The following OSMR variants were observed in gnomAD, a reference collection of about 807,000 sequenced individuals.
OSMR encodes oncostatin-M-specific receptor subunit beta.
In OSMR, 81 loss-of-function variants were observed where a neutral mutation model predicts 99.9. That is an observed-to-expected ratio of 0.81 (90% confidence interval 0.68 to 0.97). OSMR has a LOEUF of 0.97. Among genes scored for constraint, OSMR ranks in the 50% least tolerant of loss-of-function variants. The probability of loss-of-function intolerance (pLI) is 0.00; values close to 1 mark genes in which losing one functional copy is unlikely to be tolerated. For missense variants in OSMR, 1,099 were observed against 1,153.4 expected (o/e 0.95, Z 0.68); for synonymous variants, 406 against 410.4 (o/e 0.99, Z 0.13).
intron 7 of OSMR, among the ~76,000 whole-genome samples, chr5:38,900,238 C>G (rs888356380): frequency 6.6e-6 from 1 of 152,178 alleles, no homozygotes; most frequent in African/African-American, 2.4e-5. Flanking sequence ...TCACCGTGCT[C>G]TCCCTCTCCT....
intron 1 of OSMR, chr5:38,943,374 T>G (rs1376316926): frequency 6.2e-6 from 1 of 162,168 alleles, no homozygotes; most frequent in Non-Finnish European, 1.3e-5. Context: ...AATAGCAGCT[T>G]TTAGCTAGGA....
chr5:38,925,490 C>A, intron 15 of OSMR, 119 bp downstream of exon 15: 1 of 840,878 alleles, frequency 1.2e-6, no homozygotes, highest in South Asian at 1.4e-5. Flanking sequence ...TTCTCCCCTT[C>A]TCACCTCCCT....
rs776880482 is a variant in OSMR at position 38,923,136 on chromosome 5, C to CT, written c.1766-7dup. On this transcript the variant is annotated splice_polypyrimidine_tract_variant and intron_variant, in intron 12 of 17. Coordinates refer to ENST00000274276, the MANE Select transcript of OSMR (RefSeq NM_003999.3). ...CATTCTGTTATTAAAAATCTGTTGA[C>CT]TTTTTTTCCCTAGATGCTTTTAGGC... The CT allele has an allele frequency of 5.0e-6, 8 of 1,611,928 alleles. No individual in the cohort carries two copies. Among genetic ancestry groups the CT allele is most frequent in the African/African-American group, 1.3e-5 (1 of 74,826 alleles).
At chr5:38,932,843 A>C (rs1314700499) in intron 17 of OSMR, 29 bp from the exon 18 acceptor site, 1 of 1,612,948 alleles carries the variant, frequency 6.2e-7, no homozygotes, top group Non-Finnish European at 8.5e-7. Flanking sequence ...ACAAATGTCT[A>C]TATTTACATA....
chr5:38,920,385 A>G (rs899338769), intron 11 of OSMR, among the ~76,000 whole-genome samples: 2 of 152,224 alleles, frequency 1.3e-5, no homozygotes, highest in African/African-American at 4.8e-5. Context: ...CTCTCAAAAC[A>G]TATTTTCAAT....
intron 9 of OSMR, among the ~76,000 whole-genome samples, chr5:38,907,628 C>A (rs375021204): frequency 6.6e-6 from 1 of 152,196 alleles, no homozygotes; most frequent in Non-Finnish European, 1.5e-5. Flanking sequence ...GAGTTGCAGC[C>A]TCAGATGCCC....
chr5:38,878,025 G>A (rs1416531696), intron 3 of OSMR, among the ~76,000 whole-genome samples: 4 of 152,104 alleles, frequency 2.6e-5, no homozygotes, highest in Non-Finnish European at 5.9e-5. Context: ...AACCCAGCCT[G>A]ACTACAACAG....
At chr5:38,876,154 C>T in intron 2 of OSMR, 47 bp from the exon 3 acceptor site, 1 of 1,587,238 alleles carries the variant, frequency 6.3e-7, no homozygotes, top group Middle Eastern at 1.7e-4. Context: ...ACTCTTCAAT[C>T]ATGCTCCTAT....
chr5:38,890,677 A>C (rs1371462244), intron 7 of OSMR, among the ~76,000 whole-genome samples: 3 of 151,986 alleles, frequency 2.0e-5, no homozygotes, highest in African/African-American at 7.3e-5. Flanking sequence ...AATTAGCAAC[A>C]GTAGAATATC....
In OSMR at chr5:38,935,613, TAAAC is replaced by T. The variant is rs1439225602; in HGVS notation, c.*2170_*2173del. ...CTTGAAGTCATTTTTGCTATTGAAATAAACCTTAATTAAAATATTTCATCATCAC... is the reference window on the plus strand; with the variant it reads ...CTTGAAGTCATTTTTGCTATTGAAATCTTAATTAAAATATTTCATCATCAC... On this transcript the variant is annotated 3_prime_UTR_variant, in exon 18 of 18. Transcript: ENST00000274276. The T allele has an allele frequency of 2.0e-5, 3 of 152,206 alleles. No homozygotes were observed. The highest frequency in any genetic ancestry group is 4.8e-5 in the African/African-American group (2 of 41,452). The allele number at this position is 152,206 out of a possible 1,614,324, so 9.4% of individuals were successfully genotyped here.
chr5:38,846,480 T>A (rs1418272758), intron 1 of OSMR, 93 bp downstream of exon 1: 4 of 152,330 alleles, frequency 2.6e-5, no homozygotes, highest in African/African-American at 9.6e-5. Context: ...TCCCAGCGCC[T>A]TTTTCTCAAA....
chr5:38,888,860 G>A (rs1347764151), intron 7 of OSMR, among the ~76,000 whole-genome samples: 1 of 152,076 alleles, frequency 6.6e-6, no homozygotes, highest in Non-Finnish European at 1.5e-5. Flanking sequence ...ATGTTTATGG[G>A]AACAACAGTC....
intron 7 of OSMR, among the ~76,000 whole-genome samples, chr5:38,894,123 A>G (rs1744334446): frequency 6.6e-6 from 1 of 152,222 alleles, no homozygotes; most frequent in Admixed American, 6.5e-5. Context: ...CAGATAAGCA[A>G]TTGCTAAGGG....
intron 1 of OSMR, among the ~76,000 whole-genome samples, chr5:38,860,558 G>A (rs989196878): frequency 1.3e-5 from 2 of 152,102 alleles, no homozygotes; most frequent in East Asian, 1.9e-4. Context: ...TCTGGCTTTG[G>A]TATCAGGGTA....
chr5:38,929,130 A>T (rs1746606341), intron 15 of OSMR, among the ~76,000 whole-genome samples: 1 of 152,210 alleles, frequency 6.6e-6, no homozygotes, highest in African/African-American at 2.4e-5. Flanking sequence ...TGTACCTCAG[A>T]TATTGTTAGA....
At chr5:38,921,484 T>G in intron 11 of OSMR, 131 bp from the exon 12 acceptor site, 1 of 1,524,322 alleles carries the variant, frequency 6.6e-7, no homozygotes, top group Non-Finnish European at 8.8e-7. Flanking sequence ...CCCAAGCACC[T>G]GTAACTATTG....
chr5:38,933,111 C>T lies in OSMR; in HGVS notation c.2607C>T (p.Gly869=). The T allele has an allele frequency of 6.2e-7, 1 of 1,614,222 alleles. No individual in the cohort carries two copies. The highest frequency in any genetic ancestry group is 8.5e-7 in the Non-Finnish European group (1 of 1,180,034). Residue 869 remains glycine (G), a synonymous_variant, in exon 18 of 18, where the codon GGC becomes GGT. Coordinates refer to ENST00000274276, the MANE Select transcript of OSMR (RefSeq NM_003999.3). ...LTYNQAASDS[G]SCGHVPVSPK... is the part of the protein sequence containing the mutation. ...ATAACCAGGCAGCTTCTGACTCTGG[C>T]TCTTGTGGCCATGTTCCAGTATCCC... is the stretch of plus-strand genomic sequence containing the variant.
chr5:38,915,300 TTTGAAA>T (rs1393208155), intron 9 of OSMR, among the ~76,000 whole-genome samples: 1 of 152,214 alleles, frequency 6.6e-6, no homozygotes, highest in East Asian at 1.9e-4. Flanking sequence ...GGATATGTAT[TTTGAAA>T]TATAGTAAAC....
chr5:38,921,635 A>G lies in OSMR; in HGVS notation c.1606A>G (p.Ile536Val), dbSNP rs769983421. The part of the protein sequence containing the change: ...PENKEVEEER[I>V]AGTEGGFSLS... ...TACAGAAGAGGTTGAGGAAGAAAGA[A>G]TTGCAGGCACAGAGGGTGGATTCTC... Residue 536 changes from isoleucine to valine, a missense_variant, in exon 12 of 18, where the codon ATT (isoleucine) becomes GTT (valine). Physicochemically the swap from Ile to Val is conservative, Grantham distance 29. Coordinates refer to ENST00000274276, the MANE Select transcript of OSMR (RefSeq NM_003999.3). 3 of 1,614,204 alleles carry G rather than the reference A, an allele frequency of 1.9e-6. No individual in the cohort carries two copies. Among genetic ancestry groups the G allele is most frequent in the Non-Finnish European group, 2.5e-6 (3 of 1,180,034 alleles).
Sources: allele counts gnomAD v4.1 joint callset (sites outside exome capture counted in the v4.1 genomes callset), GRCh38; gene constraint gnomAD v4.1.1; transcripts MANE v1.5; gene names NCBI Gene and HGNC (gene_info 2026-07-23, HGNC 2026-07-21).